MAD1L1: variants seen among roughly 807,000 people sequenced by gnomAD.
MAD1L1 encodes the protein mitotic arrest deficient 1 like 1, also known as mitotic spindle assembly checkpoint protein MAD1.
In MAD1L1, 95 loss-of-function variants were observed where a neutral mutation model predicts 96.9. That is an observed-to-expected ratio of 0.98 (90% confidence interval 0.83 to 1.16). MAD1L1 has a LOEUF of 1.16. MAD1L1 is among the 50% of genes most tolerant of loss of function. The pLI is 0.00. For missense variants in MAD1L1, 1,007 were observed against 954.4 expected (o/e 1.06, Z -0.73); for synonymous variants, 473 against 396.6 (o/e 1.19, Z -2.29).
intron 11 of MAD1L1, among the ~76,000 whole-genome samples, chr7:2,084,955 C>T (rs1193391639): frequency 6.6e-6 from 1 of 152,276 alleles, no homozygotes; most frequent in Non-Finnish European, 1.5e-5. Flanking sequence ...GAACATACAT[C>T]GTCACGTTTA....
chr7:2,039,510 C>G (rs530912230), intron 12 of MAD1L1, among the ~76,000 whole-genome samples: 1 of 152,246 alleles, frequency 6.6e-6, no homozygotes, highest in Non-Finnish European at 1.5e-5. Context: ...TCTCTACACA[C>G]TGACTGGCAT....
rs148961770 is a variant in MAD1L1 at position 1,954,844 on chromosome 7, G to A, written c.1596+2785C>T. On this transcript the variant is annotated intron_variant, in intron 16 of 18. Transcript: ENST00000265854. ...GCTCTCCCACCCCCACCACGGGATG[G>A]GAGGGCTTGCAGTCCAGGAGCCCCG... is the stretch of plus-strand genomic sequence containing the variant. Among the ~76,000 whole-genome samples, 24 of 152,264 alleles carry A rather than the reference G, an allele frequency of 1.6e-4. No homozygotes were observed. In the East Asian group the frequency reaches 4.6e-3, roughly 29 times the overall value.
At chr7:2,229,208 G>A (rs897598455) in intron 3 of MAD1L1, among the ~76,000 whole-genome samples, 1 of 152,172 alleles carries the variant, frequency 6.6e-6, no homozygotes, top group Non-Finnish European at 1.5e-5. Context: ...ACCGCAGCAG[G>A]GACTGGGAAA....
At chr7:1,936,015 G>T (rs1384553388) in intron 17 of MAD1L1, among the ~76,000 whole-genome samples, 5 of 152,260 alleles carry the variant, frequency 3.3e-5, no homozygotes, top group African/African-American at 1.2e-4. Flanking sequence ...ACAGGGGGCA[G>T]GGGTCTCCTG....
At chr7:1,876,759 C>A (rs1785405525) in intron 18 of MAD1L1, among the ~76,000 whole-genome samples, 1 of 150,710 alleles carries the variant, frequency 6.6e-6, no homozygotes, top group African/African-American at 2.4e-5. Flanking sequence ...GGAAGGACAT[C>A]TTGCTCCTAC....
intron 3 of MAD1L1, among the ~76,000 whole-genome samples, chr7:2,227,658 C>A (rs1378194136): frequency 6.6e-6 from 1 of 152,196 alleles, no homozygotes; most frequent in Non-Finnish European, 1.5e-5. Context: ...TGGCCCAAGC[C>A]CACACTTCCT....
intron 11 of MAD1L1, among the ~76,000 whole-genome samples, chr7:2,129,420 AC>A (rs1788402175): frequency 6.6e-6 from 1 of 152,194 alleles, no homozygotes; most frequent in Admixed American, 6.5e-5. Flanking sequence ...CAGCAGGCTC[AC>A]GGCGGCTCCT....
At chr7:2,158,094 G>A (rs1443596116) in intron 10 of MAD1L1, among the ~76,000 whole-genome samples, 3 of 152,236 alleles carry the variant, frequency 2.0e-5, no homozygotes, top group Non-Finnish European at 2.9e-5. Context: ...GGCTTCAGCT[G>A]CGAAGCCTTT....
intron 17 of MAD1L1, among the ~76,000 whole-genome samples, chr7:1,905,202 C>T (rs1262874970): frequency 1.0e-5 from 1 of 96,126 alleles, no homozygotes; most frequent in Non-Finnish European, 2.3e-5. Flanking sequence ...GGAAGACGCT[C>T]TTGCGGAATT....
At chr7:2,121,599 T>C (rs1437722801) in intron 11 of MAD1L1, among the ~76,000 whole-genome samples, 1 of 152,170 alleles carries the variant, frequency 6.6e-6, no homozygotes, top group African/African-American at 2.4e-5. Context: ...GGCAGGACTA[T>C]GCTGCAGATC....
chr7:1,907,301 C>G (rs1180315175), intron 17 of MAD1L1, among the ~76,000 whole-genome samples: 1 of 152,258 alleles, frequency 6.6e-6, no homozygotes, highest in Non-Finnish European at 1.5e-5. Flanking sequence ...ACCGAGGACC[C>G]CAAGCCCCAG....
chr7:2,197,552 G>A (rs550628139), intron 10 of MAD1L1, among the ~76,000 whole-genome samples: 3 of 152,090 alleles, frequency 2.0e-5, no homozygotes, highest in South Asian at 2.1e-4. Context: ...CCCTGCACAC[G>A]GGCCCAAGCT....
At chr7:1,934,884 C>T (rs1019376178) in intron 17 of MAD1L1, among the ~76,000 whole-genome samples, 1 of 151,516 alleles carries the variant, frequency 6.6e-6, no homozygotes, top group African/African-American at 2.4e-5. Flanking sequence ...GACGGGCGAA[C>T]CCGAGACGGG....
chr7:1,839,859 G>T (rs1221568324), intron 18 of MAD1L1, among the ~76,000 whole-genome samples: 1 of 151,730 alleles, frequency 6.6e-6, no homozygotes, highest in Non-Finnish European at 1.5e-5. Context: ...CAAGCCACAG[G>T]TCCACCCACG....
chr7:2,108,358 G>A (rs1787204053), intron 11 of MAD1L1, among the ~76,000 whole-genome samples: 1 of 152,226 alleles, frequency 6.6e-6, no homozygotes, highest in African/African-American at 2.4e-5. Flanking sequence ...AATCAGCACA[G>A]ATGTTCTACT....
intron 11 of MAD1L1, among the ~76,000 whole-genome samples, chr7:2,122,317 A>G (rs188247546): frequency 1.3e-5 from 2 of 152,340 alleles, no homozygotes; most frequent in East Asian, 3.9e-4. Context: ...TAGCACCTTG[A>G]TAACTGTTAC....
At chr7:1,862,946 T>C (rs1184191608) in intron 18 of MAD1L1, among the ~76,000 whole-genome samples, 1 of 152,218 alleles carries the variant, frequency 6.6e-6, no homozygotes, top group African/African-American at 2.4e-5. Flanking sequence ...GGCACTAGAC[T>C]GAGTCCGTGT....
chr7:2,228,009 G>A (rs532431273), intron 3 of MAD1L1, among the ~76,000 whole-genome samples: 27 of 149,662 alleles, frequency 1.8e-4, no homozygotes, highest in African/African-American at 6.3e-4. Context: ...TCCCTGCCAC[G>A]CCGGGGGCTC....
chr7:1,910,767 C>T (rs531013512), intron 17 of MAD1L1, among the ~76,000 whole-genome samples: 6 of 152,232 alleles, frequency 3.9e-5, no homozygotes, highest in Admixed American at 6.5e-5. Context: ...CACGCAGCCT[C>T]GCTGCACCCA....
Sources: allele counts gnomAD v4.1 joint callset (sites outside exome capture counted in the v4.1 genomes callset), GRCh38; gene constraint gnomAD v4.1.1; transcripts MANE v1.5; gene names NCBI Gene and HGNC (gene_info 2026-07-23, HGNC 2026-07-21).